The following PKNOX2 variants were observed in gnomAD, a reference collection of about 807,000 sequenced individuals.
PKNOX2 encodes the protein homeobox protein PKNOX2.
In PKNOX2, 14 loss-of-function variants were observed where a neutral mutation model predicts 53.1. The observed-to-expected ratio is 0.26, with a 90% CI of 0.17 to 0.41. The LOEUF (loss-of-function observed/expected upper bound fraction) is 0.41. Ranked by LOEUF, PKNOX2 falls within the 10% of genes least tolerant of loss-of-function variation. The probability of loss-of-function intolerance (pLI) is 1.00; values close to 1 mark genes in which losing one functional copy is unlikely to be tolerated. For synonymous variants in PKNOX2, 257 were observed against 242.8 expected (o/e 1.06, Z -0.54); for missense variants, 496 against 602.8 (o/e 0.82, Z 1.85).
chr11:125,199,917 G>A (rs1938236851), intron 1 of PKNOX2, among the ~76,000 whole-genome samples: 1 of 152,198 alleles, frequency 6.6e-6, no homozygotes, highest in African/African-American at 2.4e-5. Context: ...GTATGGACTG[G>A]ACGAGACAGG....
intron 1 of PKNOX2, among the ~76,000 whole-genome samples, chr11:125,187,544 T>C (rs932790330): frequency 1.3e-5 from 2 of 152,244 alleles, no homozygotes; most frequent in African/African-American, 4.8e-5. Flanking sequence ...CTTTGCTGAA[T>C]GCTTATTAGT....
In PKNOX2 at chr11:125,240,261, C is replaced by T. The variant is rs1296600284; in HGVS notation, c.-130+5146C>T. 6.6e-6 allele frequency: 1 copy of T among 152,188 alleles called. No individual in the cohort carries two copies. Among genetic ancestry groups the T allele is most frequent in the East Asian group, 1.9e-4 (1 of 5,188 alleles). The allele number at this position is 152,188 out of a possible 1,614,324, so 9.4% of individuals were successfully genotyped here. On this transcript the variant is annotated intron_variant, in intron 2 of 12. Coordinates refer to ENST00000298282, the MANE Select transcript of PKNOX2 (RefSeq NM_001382323.2). The surrounding 1 kb of genome is among the most constrained non-coding windows in gnomAD (Gnocchi z 4.3). ...GCCCAGAGATGAACGCATCTGGGAG[C>T]TGCCAAGGCGACTCTCTCAATTAAT...
chr11:125,315,303 G>GAAAAAAAA (rs534448203), intron 2 of PKNOX2, among the ~76,000 whole-genome samples: 2 of 79,438 alleles, frequency 2.5e-5, no homozygotes, highest in Non-Finnish European at 5.5e-5. Flanking sequence ...TGTGAAGCAG[G>GAAAAAAAA]AAAAAAAAAA....
intron 1 of PKNOX2, among the ~76,000 whole-genome samples, chr11:125,187,086 C>T (rs1309233063): frequency 6.6e-6 from 1 of 152,146 alleles, no homozygotes; most frequent in Non-Finnish European, 1.5e-5. Flanking sequence ...CATCCCCATA[C>T]CAGTATCATG....
chr11:125,342,454 G>T (rs1312890734), intron 3 of PKNOX2, among the ~76,000 whole-genome samples: 2 of 152,104 alleles, frequency 1.3e-5, no homozygotes, highest in Non-Finnish European at 2.9e-5. Context: ...GAGCGTCAGG[G>T]CCCTCCTGAC....
chr11:125,189,397 ATGTGTGTATATATATATGTG>A (rs1430337995), intron 1 of PKNOX2, among the ~76,000 whole-genome samples: 4 of 57,310 alleles, frequency 7.0e-5, no homozygotes, highest in Admixed American at 1.8e-4. Flanking sequence ...GTATATATAT[ATGTGTGTATATATATATGTG>A]TGTGTGTGTG....
chr11:125,409,997 T>G, intron 7 of PKNOX2, 199 bp from the exon 8 acceptor site: 2 of 659,196 alleles, frequency 3.0e-6, no homozygotes, highest in Middle Eastern at 3.6e-4. Context: ...CTCTTTTTGT[T>G]TTTGTTTTTT....
chr11:125,329,947 G>T (rs1395775831), intron 2 of PKNOX2, among the ~76,000 whole-genome samples: 4 of 152,222 alleles, frequency 2.6e-5, no homozygotes, highest in Admixed American at 6.5e-5. Context: ...TGGTGCCACA[G>T]CTGTAAGCCC....
chr11:125,214,191 C>T (rs1169989309), intron 1 of PKNOX2, among the ~76,000 whole-genome samples: 2 of 152,136 alleles, frequency 1.3e-5, no homozygotes, highest in Non-Finnish European at 2.9e-5. Context: ...GGACCCACCT[C>T]TTGGAGGGTG....
At chr11:125,348,834 A>G (rs1017220821) in intron 3 of PKNOX2, among the ~76,000 whole-genome samples, 13 of 152,200 alleles carry the variant, frequency 8.5e-5, no homozygotes, top group African/African-American at 3.1e-4. Context: ...TGAGGTTACC[A>G]AAAGACCCAA....
chr11:125,406,319 T>C (rs3740895), intron 7 of PKNOX2, among the ~76,000 whole-genome samples: 61,299 of 151,896 alleles, frequency 0.4, 12,756 homozygotes, highest in Middle Eastern at 0.5. Flanking sequence ...GTGGGGCTAG[T>C]CAGAGACGAT....
intron 7 of PKNOX2, among the ~76,000 whole-genome samples, chr11:125,405,457 T>C (rs548286356): frequency 2.0e-5 from 3 of 152,258 alleles, no homozygotes; most frequent in African/African-American, 7.2e-5. Flanking sequence ...CAGCTCTTCC[T>C]GGGCTGACGT....
At position 125,432,271 on chromosome 11, in the gene PKNOX2, C is replaced by T. The variant is rs1956735262; in HGVS notation, c.*879C>T. On this transcript the variant is annotated 3_prime_UTR_variant, in exon 13 of 13. Coordinates refer to ENST00000298282, the MANE Select transcript of PKNOX2 (RefSeq NM_001382323.2). ...AATGGTTTTTTACCCTAGATGTTCC[C>T]ACCTTCAGTGCTCCACGCCCTCCAT... is the stretch of plus-strand genomic sequence containing the variant. The T allele has an allele frequency of 6.6e-6, 1 of 152,670 alleles. No homozygotes were observed. The highest frequency in any genetic ancestry group is 1.5e-5 in the Non-Finnish European group (1 of 68,082). 9.5% of individuals were successfully genotyped at this position (152,670 alleles called of 1,614,324 possible).
chr11:125,167,046 G>A (rs1954929740), intron 1 of PKNOX2, among the ~76,000 whole-genome samples: 1 of 152,072 alleles, frequency 6.6e-6, no homozygotes, highest in African/African-American at 2.4e-5. Flanking sequence ...GTGGAAGCGG[G>A]GAGGGAGGGT....
At chr11:125,227,488 T>C (rs745722070) in intron 1 of PKNOX2, among the ~76,000 whole-genome samples, 2 of 152,236 alleles carry the variant, frequency 1.3e-5, no homozygotes, top group Non-Finnish European at 2.9e-5. Context: ...TGTCTTTTTG[T>C]GACTGGCTTA....
chr11:125,424,526 T>A (rs962818069), intron 10 of PKNOX2, among the ~76,000 whole-genome samples: 1 of 151,772 alleles, frequency 6.6e-6, no homozygotes, highest in African/African-American at 2.4e-5. Flanking sequence ...CAGCAGCCCA[T>A]GGCCCCACAG....
intron 1 of PKNOX2, among the ~76,000 whole-genome samples, chr11:125,183,580 C>T (rs1473114361): frequency 2.6e-5 from 4 of 152,200 alleles, no homozygotes; most frequent in Non-Finnish European, 5.9e-5. Context: ...AGCACACTCT[C>T]TGAGCCACCT....
intron 1 of PKNOX2, among the ~76,000 whole-genome samples, chr11:125,189,443 GTGTGTATATATATATATATATATATA>G (rs1956713467): frequency 1.8e-5 from 1 of 56,688 alleles, no homozygotes; most frequent in Non-Finnish European, 3.2e-5. Context: ...GTGTGTGTGT[GTGTGTATATATATATATATATATATA>G]TATATATATA....
At chr11:125,347,098 C>CA (rs1591536713) in intron 3 of PKNOX2, among the ~76,000 whole-genome samples, 1 of 152,170 alleles carries the variant, frequency 6.6e-6, no homozygotes, top group Non-Finnish European at 1.5e-5. Context: ...ACAGGACTGT[C>CA]AGAGTCCAGG....
Sources: allele counts gnomAD v4.1 joint callset (sites outside exome capture counted in the v4.1 genomes callset), GRCh38; gene constraint gnomAD v4.1.1; non-coding constraint Gnocchi (gnomAD v3.1); transcripts MANE v1.5; gene names NCBI Gene and HGNC (gene_info 2026-07-23, HGNC 2026-07-21).